Variants in GTPBP8 observed in about 807,000 individuals in gnomAD.
The protein encoded by GTPBP8 is GTP-binding protein 8.
Under a neutral mutation model 27.3 loss-of-function variants are expected in GTPBP8, and 21 were observed. The ratio of observed to expected loss-of-function variants is 0.77; its 90% CI spans 0.55 to 1.11. The LOEUF (loss-of-function observed/expected upper bound fraction) is 1.11. GTPBP8 is among the 50% of genes least tolerant of loss of function. The pLI, the probability that GTPBP8 is intolerant of heterozygous loss-of-function variation, is 0.00. For missense variants in GTPBP8, 380 were observed against 350.8 expected, an observed-to-expected ratio of 1.08 and a Z score of -0.67; for synonymous variants, 147 against 135.3, an observed-to-expected ratio of 1.09 and a Z score of -0.60.
At chr3:112,999,676 A>T in intron 5 of GTPBP8, 112 bp downstream of exon 5, 1 of 610,342 alleles carries the variant, frequency 1.6e-6, no homozygotes, top group Non-Finnish European at 3.0e-6. Flanking sequence ...GTTGCATGGA[A>T]AAGTTCTTTA....
At chr3:112,991,967 C>T (rs570226002) in intron 1 of GTPBP8, 1 of 223,552 alleles carries the variant, frequency 4.5e-6, no homozygotes, top group East Asian at 1.3e-4. Flanking sequence ...TATTGATATT[C>T]TGTTCTAAGT....
At chr3:112,999,073 ATT>A (rs1933842346) in intron 4 of GTPBP8, among the ~76,000 whole-genome samples, 1 of 152,214 alleles carries the variant, frequency 6.6e-6, no homozygotes, top group Admixed American at 6.5e-5. Context: ...CAAATTGGCA[ATT>A]TTGTATAGAT....
rs766960782 is a variant in GTPBP8, at chr3:112,991,319, A to G, written c.320A>G (p.Asp107Gly). 1 of 1,613,570 alleles carries G rather than the reference A, an allele frequency of 6.2e-7. No homozygotes were observed. ...SSAVRIDHAP[D>G]LPRPEVCFIG... ...GCCGTCCGTATCGACCACGCCCCGGACCTTCCGCGGCCAGAGGTGAGAGGC... is the reference window on the plus strand; with the variant it reads ...GCCGTCCGTATCGACCACGCCCCGGGCCTTCCGCGGCCAGAGGTGAGAGGC... The change falls in exon 1 of 6, where the codon GAC becomes GGC. Residue 107 changes from aspartate (D) to glycine (G), a missense_variant. Coordinates refer to ENST00000383678, the MANE Select transcript of GTPBP8 (RefSeq NM_014170.4).
chr3:112,993,909 C>G (rs752359525), intron 2 of GTPBP8, among the ~76,000 whole-genome samples: 11 of 152,172 alleles, frequency 7.2e-5, no homozygotes, highest in Non-Finnish European at 1.3e-4. Flanking sequence ...CCCCGCCTCA[C>G]CAAATAAATC....
rs767078874 is a variant in GTPBP8 at position 113,000,967 on chromosome 3, T to C, written c.*48T>C. 2.0e-6 allele frequency: 2 copies of C among 1,014,148 alleles called. No homozygotes were observed. The highest frequency in any genetic ancestry group is 1.6e-5 in the African/African-American group (1 of 61,416). The allele number at this position is 1,014,148 out of a possible 1,614,324, so 62.8% of individuals were successfully genotyped here. ...TTCAAAAAAAAAAAAAAAAGCTTTA[T>C]GCTAACTGGAGTTAAATACCTAGAA... On this transcript the variant is annotated 3_prime_UTR_variant, in exon 6 of 6. Transcript: ENST00000383678.
Position 112,995,284 on chromosome 3 carries a change from T to C in GTPBP8, c.566+19T>C. The C allele has an allele frequency of 6.5e-7, 1 of 1,527,908 alleles. No homozygotes were observed. Among genetic ancestry groups the C allele is most frequent in the Non-Finnish European group, 8.9e-7 (1 of 1,118,928 alleles). The allele number at this position is 1,527,908 out of a possible 1,614,324, so 94.6% of individuals were successfully genotyped here. A position where few individuals can be genotyped will look rare whatever the true frequency, so the allele number is the denominator to read the frequency against. Reference sequence around the variant, plus strand: ...GAAGGAAGTAAGGAAAAGATTTTCTTATAATAGTTATACATTTAACCCCAA... The same window carrying C: ...GAAGGAAGTAAGGAAAAGATTTTCTCATAATAGTTATACATTTAACCCCAA... On this transcript the variant is annotated intron_variant, in intron 3 of 5. Coordinates refer to ENST00000383678, the MANE Select transcript of GTPBP8 (RefSeq NM_014170.4).
intron 1 of GTPBP8, among the ~76,000 whole-genome samples, chr3:112,992,745 G>T (rs1687244772): frequency 6.6e-6 from 1 of 152,142 alleles, no homozygotes; most frequent in Non-Finnish European, 1.5e-5. Context: ...ACAGATTCTA[G>T]ATATACATGT....
At chr3:112,996,109 G>A (rs1012217321) in intron 3 of GTPBP8, among the ~76,000 whole-genome samples, 10 of 152,158 alleles carry the variant, frequency 6.6e-5, no homozygotes. Flanking sequence ...TACATAAAAT[G>A]CAAGATATAA....
Position 112,996,852 on chromosome 3 carries a change from T to C in GTPBP8, c.567-40T>C, listed in dbSNP as rs543772900. On this transcript the variant is annotated intron_variant, in intron 3 of 5. Coordinates refer to ENST00000383678, the MANE Select transcript of GTPBP8 (RefSeq NM_014170.4). ...AAGAGGGGATAAATGAATGGGTATA[T>C]TTTATATTGCCATTAATCTTCTTTT... 4 of 887,126 alleles carry C rather than the reference T, an allele frequency of 4.5e-6. No individual in the cohort carries two copies. The African/African-American group carries it at 6.5e-5, about 15-fold the overall frequency. The allele number at this position is 887,126 out of a possible 1,614,324, so 55.0% of individuals were successfully genotyped here.
chr3:112,996,203 A>G (rs566110449), intron 3 of GTPBP8, among the ~76,000 whole-genome samples: 1 of 152,200 alleles, frequency 6.6e-6, no homozygotes, highest in Non-Finnish European at 1.5e-5. Flanking sequence ...TCACGCCTGT[A>G]ATCTCAGCAC....
intron 2 of GTPBP8, among the ~76,000 whole-genome samples, chr3:112,994,483 C>T (rs2107367394): frequency 6.6e-6 from 1 of 151,028 alleles, no homozygotes; most frequent in African/African-American, 2.4e-5. Flanking sequence ...AATATCTGTT[C>T]TATGGACACA....
chr3:112,993,756 C>T (rs116142515), intron 2 of GTPBP8, among the ~76,000 whole-genome samples: 1,551 of 152,184 alleles, frequency 0.01, 27 homozygotes, highest in African/African-American at 0.036. Flanking sequence ...CGTGCACGAA[C>T]GCACACACAC....
intron 1 of GTPBP8, chr3:112,991,955 T>C (rs1933690026): frequency 4.3e-6 from 1 of 229,924 alleles, no homozygotes; most frequent in African/African-American, 2.3e-5. Flanking sequence ...TGTCCTACAA[T>C]TTATTGATAT....
intron 5 of GTPBP8, 36 bp from the exon 6 acceptor site, chr3:113,000,814 G>A: frequency 7.6e-7 from 1 of 1,314,836 alleles, no homozygotes; most frequent in Middle Eastern, 2.0e-4. Flanking sequence ...TATATCTGAG[G>A]AAAGGAAGAA....
chr3:112,997,245 A>G (rs1933803938), intron 4 of GTPBP8, among the ~76,000 whole-genome samples: 1 of 152,206 alleles, frequency 6.6e-6, no homozygotes, highest in African/African-American at 2.4e-5. Flanking sequence ...CTGTTCATTT[A>G]ATGTTCCTAG....
In GTPBP8 at chr3:112,991,035, ACT is replaced by A. The variant is rs768721229; in HGVS notation, c.39_40del (p.Phe14Ter). The A allele has an allele frequency of 1.2e-5, 19 of 1,603,264 alleles. No individual in the cohort carries two copies. Among genetic ancestry groups the A allele is most frequent in the East Asian group, 2.2e-5 (1 of 44,580 alleles). On this transcript the variant is annotated frameshift_variant, in exon 1 of 6. Coordinates refer to ENST00000383678, the MANE Select transcript of GTPBP8 (RefSeq NM_014170.4). LOFTEE classifies it high-confidence loss of function. ...CCGGGCTGCGGCTGGGAGCGGGAAG[ACT>A]CTTTGAAATGCCTGCGGTGCTAGAG... ...APGLRLGAGR[L>X]FEMPAVLERL...
intron 1 of GTPBP8, chr3:112,992,298 T>TGCCCACTAAATGTCCCCC (rs1435046789): frequency 6.6e-6 from 1 of 152,234 alleles, no homozygotes; most frequent in Non-Finnish European, 1.5e-5. Context: ...CCCTGGCCCC[T>TGCCCACTAAATGTCCCCC]GCCCACTAAA....
intron 4 of GTPBP8, among the ~76,000 whole-genome samples, chr3:112,999,050 CA>C (rs1258124089): frequency 6.6e-6 from 1 of 151,924 alleles, no homozygotes; most frequent in Non-Finnish European, 1.5e-5. Context: ...GAGTATAGGT[CA>C]AAAAATGATT....
chr3:112,999,732 A>G (rs1172132171), intron 5 of GTPBP8, among the ~76,000 whole-genome samples, 168 bp downstream of exon 5: 3 of 152,096 alleles, frequency 2.0e-5, no homozygotes, highest in African/African-American at 7.2e-5. Context: ...TGAGCAGTGT[A>G]CACTGTACCC....
Sources: gnomAD v4.1 joint callset for allele counts (sites outside exome capture counted in the v4.1 genomes callset) on GRCh38, gnomAD v4.1.1 for gene constraint, MANE v1.5 for transcripts, NCBI Gene and HGNC (gene_info 2026-07-23, HGNC 2026-07-21) for gene names.